The following FBXL17 variants were observed in gnomAD, a reference collection of about 807,000 sequenced individuals.
FBXL17 encodes F-box and leucine rich repeat protein 17.
In FBXL17, 22 loss-of-function variants were observed where a neutral mutation model predicts 66.2. The ratio of observed to expected loss-of-function variants is 0.33; its 90% confidence interval spans 0.24 to 0.47. The LOEUF (loss-of-function observed/expected upper bound fraction) is 0.47. Ranked by LOEUF, FBXL17 falls within the 20% of genes least tolerant of loss-of-function variation. The pLI, the probability that FBXL17 is intolerant of heterozygous loss-of-function variation, is 1.00. For synonymous variants in FBXL17, 474 were observed against 400.5 expected, an observed-to-expected ratio of 1.18 and a Z score of -2.19; for missense variants, 878 against 948.2, an observed-to-expected ratio of 0.93 and a Z score of 0.97.
intron 6 of FBXL17, among the ~76,000 whole-genome samples, chr5:108,157,157 C>T (rs1752025437): frequency 6.7e-6 from 1 of 149,260 alleles, no homozygotes; most frequent in South Asian, 2.1e-4. Flanking sequence ...TTCATGCACT[C>T]CTATCTATGG....
At chr5:108,263,780 G>C (rs571251936) in intron 4 of FBXL17, among the ~76,000 whole-genome samples, 1 of 152,092 alleles carries the variant, frequency 6.6e-6, no homozygotes, top group African/African-American at 2.4e-5. Flanking sequence ...CCATAGAATT[G>C]CTGCATTTCA....
chr5:107,969,539 G>A (rs537495762), intron 7 of FBXL17, among the ~76,000 whole-genome samples: 4 of 152,136 alleles, frequency 2.6e-5, no homozygotes, highest in Non-Finnish European at 2.9e-5. Context: ...AGAAGCAGGT[G>A]AACAAAGTTA....
intron 4 of FBXL17, among the ~76,000 whole-genome samples, chr5:108,228,500 A>G (rs1425812339): frequency 2.0e-5 from 3 of 152,158 alleles, no homozygotes; most frequent in Non-Finnish European, 2.9e-5. Flanking sequence ...TTCATTCTAT[A>G]ATATGGAGAA....
chr5:108,270,986 C>T (rs1256153247), intron 4 of FBXL17, among the ~76,000 whole-genome samples: 1 of 151,960 alleles, frequency 6.6e-6, no homozygotes, highest in Non-Finnish European at 1.5e-5. Context: ...ACATTCCCTA[C>T]CTCCCTGTGT....
chr5:107,862,893 G>C (rs1414907573), intron 8 of FBXL17, among the ~76,000 whole-genome samples: 3 of 147,840 alleles, frequency 2.0e-5, no homozygotes, highest in African/African-American at 7.3e-5. Flanking sequence ...GCACTTTTCT[G>C]AAATAGCATG....
chr5:108,176,012 A>T (rs951887269), intron 6 of FBXL17, among the ~76,000 whole-genome samples: 10 of 152,272 alleles, frequency 6.6e-5, no homozygotes, highest in Middle Eastern at 3.4e-3. Context: ...AGTTATTTTA[A>T]TTGCCACTTT....
chr5:108,025,701 AC>A (rs1754779624), intron 6 of FBXL17, among the ~76,000 whole-genome samples: 28 of 126,976 alleles, frequency 2.2e-4, no homozygotes, highest in Non-Finnish European at 3.4e-4. Flanking sequence ...ACACACACAC[AC>A]AAACACACAC....
chr5:108,187,263 T>A (rs1435743889), intron 5 of FBXL17, among the ~76,000 whole-genome samples: 1 of 152,216 alleles, frequency 6.6e-6, no homozygotes, highest in African/African-American at 2.4e-5. Context: ...TTTTCAAATA[T>A]TAAGCTATTT....
At chr5:107,883,362 CT>C (rs1040126726) in intron 7 of FBXL17, among the ~76,000 whole-genome samples, 2 of 151,992 alleles carry the variant, frequency 1.3e-5, no homozygotes, top group African/African-American at 4.8e-5. Context: ...CCTGGTAGTT[CT>C]GATAGGCCAT....
chr5:108,041,173 T>A lies in FBXL17; in HGVS notation c.1746-20172A>T, dbSNP rs1186151328. 2.0e-5 allele frequency among the ~76,000 whole-genome samples: 3 copies of A among 152,288 alleles called. No homozygotes were observed. In the East Asian group the frequency reaches 5.8e-4, roughly 29 times the overall value. On this transcript the variant is annotated intron_variant, in intron 6 of 8. Transcript: ENST00000542267. ...GCTACTATTATTAAATACTTCTAAA[T>A]CAGAAAATACATATTTGTAAAATGG...
intron 4 of FBXL17, among the ~76,000 whole-genome samples, chr5:108,327,470 TAGTA>T (rs1159401563): frequency 1.3e-5 from 2 of 152,134 alleles, no homozygotes; most frequent in African/African-American, 4.8e-5. Flanking sequence ...TGCCATTTAA[TAGTA>T]AGATGATTTA....
At chr5:108,232,368 G>C (rs1314407996) in intron 4 of FBXL17, among the ~76,000 whole-genome samples, 1 of 152,022 alleles carries the variant, frequency 6.6e-6, no homozygotes, top group Non-Finnish European at 1.5e-5. Flanking sequence ...ATGATCTCAG[G>C]AGATGTGTAT....
At chr5:108,323,613 G>A (rs1759720752) in intron 4 of FBXL17, among the ~76,000 whole-genome samples, 1 of 151,922 alleles carries the variant, frequency 6.6e-6, no homozygotes. Flanking sequence ...AAACTCATAT[G>A]GAATCTAAGG....
chr5:108,183,858 C>A (rs11953853), intron 6 of FBXL17, among the ~76,000 whole-genome samples: 124 of 152,258 alleles, frequency 8.1e-4, no homozygotes, highest in African/African-American at 2.9e-3. Context: ...AGAATAATGA[C>A]CTCCAGTTCC....
At chr5:108,027,900 C>T (rs181426564) in intron 6 of FBXL17, among the ~76,000 whole-genome samples, 180 of 152,212 alleles carry the variant, frequency 1.2e-3, no homozygotes, top group Non-Finnish European at 1.9e-3. Flanking sequence ...GAAACCTCCT[C>T]CATCTTTTAA....
At chr5:107,882,772 A>T (rs1442475968) in intron 7 of FBXL17, among the ~76,000 whole-genome samples, 1 of 152,180 alleles carries the variant, frequency 6.6e-6, no homozygotes, top group African/African-American at 2.4e-5. Flanking sequence ...GGGATACATA[A>T]AATAAATCCC....
intron 4 of FBXL17, among the ~76,000 whole-genome samples, chr5:108,311,468 G>A (rs903169920): frequency 2.6e-5 from 4 of 152,024 alleles, no homozygotes; most frequent in Non-Finnish European, 5.9e-5. Context: ...TGCCACACCC[G>A]GCCTTCTTAC....
intron 8 of FBXL17, chr5:107,879,057 C>T (rs931389450): frequency 1.0e-6 from 1 of 985,426 alleles, no homozygotes; most frequent in Non-Finnish European, 1.2e-6. Context: ...GAAAATAACC[C>T]ATTTCTTAAC....
chr5:108,186,044 C>G (rs1192563763), intron 6 of FBXL17, 73 bp downstream of exon 6: 3 of 1,222,966 alleles, frequency 2.5e-6, no homozygotes, highest in Non-Finnish European at 3.5e-6. Flanking sequence ...TATAGACATG[C>G]CTTGTTATAA....
Sources: allele counts gnomAD v4.1 joint callset (sites outside exome capture counted in the v4.1 genomes callset), GRCh38; gene constraint gnomAD v4.1.1; transcripts MANE v1.5; gene names NCBI Gene and HGNC (gene_info 2026-07-23, HGNC 2026-07-21).